DENND4B: variants seen among roughly 807,000 people sequenced by gnomAD.
DENND4B encodes the protein DENN domain-containing protein 4B.
DENND4B carries 67 observed loss-of-function variants against 161.0 expected under a neutral mutation model. That is an observed-to-expected ratio of 0.42 (90% CI 0.34 to 0.51). DENND4B has a LOEUF of 0.51. Among genes scored for constraint, DENND4B ranks in the 20% least tolerant of loss-of-function variants. DENND4B has a pLI of 0.08. For missense variants in DENND4B, 1,481 were observed against 1,968.0 expected (o/e 0.75, Z 4.68); for synonymous variants, 753 against 813.8 (o/e 0.93, Z 1.27).
Position 153,930,292 on chromosome 1 carries a change from G to C in DENND4B, c.*5C>G. The C allele has an allele frequency of 6.2e-7, 1 of 1,612,226 alleles. No individual in the cohort carries two copies. ...CCCTAGGCTGGAGAGGGAAGCTTAA[G>C]GTCTCTAGCATTCTGGAGGTGCTCC... is the stretch of plus-strand genomic sequence containing the variant. On this transcript the variant is annotated 3_prime_UTR_variant, in exon 28 of 28. Coordinates refer to ENST00000361217, the MANE Select transcript of DENND4B (RefSeq NM_014856.3). This position sits in a 1 kb window ranked among gnomAD's most constrained non-coding sequence, Gnocchi z 4.7.
At position 153,940,216 on chromosome 1, in the gene DENND4B, G is replaced by A. The variant is rs764285501; in HGVS notation, c.1543C>T (p.Arg515Cys). The A allele has an allele frequency of 1.1e-5, 17 of 1,603,604 alleles. No individual in the cohort carries two copies. The highest frequency in any genetic ancestry group is 1.7e-5 in the Admixed American group (1 of 57,536). ...KKLLSPRTLP[R>C]RPYKVLLATL... ...GCCAGCAGAACCTTGTAGGGTCTGC[G>A]GGGCAGGGTCCGAGGGGAGAGGAGC... is the stretch of plus-strand genomic sequence containing the variant. The change falls in exon 11 of 28, where the codon CGC becomes TGC. Residue 515 changes from arginine (R) to cysteine (C), a missense_variant. Coordinates refer to ENST00000361217, the MANE Select transcript of DENND4B (RefSeq NM_014856.3). The surrounding 1 kb of genome is among the most constrained non-coding windows in gnomAD (Gnocchi z 5.6).
rs1571061457 is a variant in DENND4B at position 153,944,517 on chromosome 1, T to C, written c.-23-120A>G. 9.4e-7 allele frequency: 1 copy of C among 1,065,710 alleles called. No individual in the cohort carries two copies. Among genetic ancestry groups the C allele is most frequent in the South Asian group, 1.7e-5 (1 of 58,696 alleles). 66.0% of individuals were successfully genotyped at this position (1,065,710 alleles called of 1,614,324 possible). On this transcript the variant is annotated intron_variant, in intron 1 of 27. Transcript: ENST00000361217. The surrounding 1 kb of genome is among the most constrained non-coding windows in gnomAD (Gnocchi z 4.8). ...TTCCAAAGAAAGGCAGGATAAGGGG[T>C]CGGCCAATCCTGAACTCTTCCCCCT... is the stretch of plus-strand genomic sequence containing the variant.
Position 153,934,900 on chromosome 1 carries a change from C to T in DENND4B, c.2633G>A (p.Arg878Gln), listed in dbSNP as rs780282175. 1.5e-5 allele frequency: 25 copies of T among 1,613,494 alleles called. No individual in the cohort carries two copies. Among genetic ancestry groups the T allele is most frequent in the Admixed American group, 3.3e-5 (2 of 59,986 alleles). Residue 878 changes from arginine (R) to glutamine (Q), a missense_variant, in exon 18 of 28, where the codon CGG (arginine) becomes CAG (glutamine). By Grantham distance (43) the Arg-to-Gln change is conservative (BLOSUM62 1). Around this residue, in one of 3 missense-constraint regions of DENND4B, gnomAD observed 339 missense variants for 330.3 expected, o/e 1.03. Coordinates refer to ENST00000361217, the MANE Select transcript of DENND4B (RefSeq NM_014856.3). This position sits in a 1 kb window ranked among gnomAD's most constrained non-coding sequence, Gnocchi z 5.3. ...PGGRLRWAKL[R>Q]NVVLGAAQFR... ...CTGAGCAGCCCCCAGGACAACATTC[C>T]GGAGCTTGGCCCAGCGCAGACGCCC...
intron 1 of DENND4B, chr1:153,945,199 G>A (rs753312475): frequency 3.6e-5 from 46 of 1,287,664 alleles, no homozygotes; most frequent in Non-Finnish European, 4.7e-5. Context: ...CCAGGGTGCA[G>A]AAGCTGGGAA....
In DENND4B at chr1:153,940,763, A is replaced by G; in HGVS notation, c.1326+141T>C. The G allele has an allele frequency of 7.0e-7, 1 of 1,436,882 alleles. No individual in the cohort carries two copies. The highest frequency in any genetic ancestry group is 9.3e-7 in the Non-Finnish European group (1 of 1,078,096). 89.0% of individuals were successfully genotyped at this position (1,436,882 alleles called of 1,614,324 possible). A position where few individuals can be genotyped will look rare whatever the true frequency, so the allele number is the denominator to read the frequency against. On this transcript the variant is annotated intron_variant, in intron 9 of 27. Coordinates refer to ENST00000361217, the MANE Select transcript of DENND4B (RefSeq NM_014856.3). This position sits in a 1 kb window ranked among gnomAD's most constrained non-coding sequence, Gnocchi z 5.6. The stretch of plus-strand genomic sequence containing the variant: ...TAGAGAAGAGCTCCTGATGGAAGCT[A>G]TGTGTTCCTGCAGGCTGTGCCCAGG...
chr1:153,941,882 G>C lies in DENND4B; in HGVS notation c.1042C>G (p.Leu348Val). ...AGCCATGCTCACGCTTCCAAGGGTA[G>C]GCGGTGGGGGCCTGAGACGGAGTAG... ...YRYSVSGPHR[L>V]PLEAHISHFI... Residue 348 changes from leucine (L) to valine (V), a missense_variant, in exon 6 of 28, where the codon CTA becomes GTA. Leu to Val is a conservative substitution (Grantham distance 32, BLOSUM62 1). Around this residue, in one of 3 missense-constraint regions of DENND4B, gnomAD observed 806 missense variants for 1,134.4 expected, o/e 0.71. Coordinates refer to ENST00000361217, the MANE Select transcript of DENND4B (RefSeq NM_014856.3). 2 of 1,611,864 alleles carry C rather than the reference G, an allele frequency of 1.2e-6. No homozygotes were observed. The highest frequency in any genetic ancestry group is 1.7e-6 in the Non-Finnish European group (2 of 1,179,828).
chr1:153,934,694 C>G lies in DENND4B; in HGVS notation c.2773+66G>C, dbSNP rs1181349822. On this transcript the variant is annotated intron_variant, in intron 18 of 27. Coordinates refer to ENST00000361217, the MANE Select transcript of DENND4B (RefSeq NM_014856.3). The surrounding 1 kb of genome is among the most constrained non-coding windows in gnomAD (Gnocchi z 5.3). ...CAACCATTAGACCAGCCCCAACTCTCTATGCCTTTCCCTGCCTGAGCCCAG... is the reference window on the plus strand; with the variant it reads ...CAACCATTAGACCAGCCCCAACTCTGTATGCCTTTCCCTGCCTGAGCCCAG... 1 of 1,549,124 alleles carries G rather than the reference C, an allele frequency of 6.5e-7. No homozygotes were observed. Among genetic ancestry groups the G allele is most frequent in the Non-Finnish European group, 8.7e-7 (1 of 1,149,456 alleles).
chr1:153,938,920 A>G lies in DENND4B; in HGVS notation c.1945T>C (p.Phe649Leu), dbSNP rs1368082682. ...GATACCTTTTCAACACAAGAGTCAA[A>G]GAATTCAAGGGCAGCATGGCGAGCA... ...GSARHAALEF[F>L]DSCVEKVHPE... The change falls in exon 13 of 28, where the codon TTT becomes CTT. Residue 649 changes from phenylalanine (F) to leucine (L), a missense_variant. By Grantham distance (22) the Phe-to-Leu change is conservative. Coordinates refer to ENST00000361217, the MANE Select transcript of DENND4B (RefSeq NM_014856.3). 2 of 1,594,736 alleles carry G rather than the reference A, an allele frequency of 1.3e-6. No homozygotes were observed. The highest frequency in any genetic ancestry group is 2.3e-5 in the East Asian group (1 of 44,342).
rs1679396880 is a variant in DENND4B, at chr1:153,937,246, C to G, written c.2232+242G>C. 1.3e-5 allele frequency among the ~76,000 whole-genome samples: 2 copies of G among 152,224 alleles called. No homozygotes were observed. Among genetic ancestry groups the G allele is most frequent in the African/African-American group, 4.8e-5 (2 of 41,454 alleles). On this transcript the variant is annotated intron_variant, in intron 15 of 27. Coordinates refer to ENST00000361217, the MANE Select transcript of DENND4B (RefSeq NM_014856.3). The surrounding 1 kb of genome is among the most constrained non-coding windows in gnomAD (Gnocchi z 4.7). ...GAGCATGGGCAGGTGCCCTAGAAGACATGGCCAGCCCCTGGATTCCCAGAG... is the reference window on the plus strand; with the variant it reads ...GAGCATGGGCAGGTGCCCTAGAAGAGATGGCCAGCCCCTGGATTCCCAGAG...
Position 153,932,589 on chromosome 1 carries a change from C to A in DENND4B, c.3759+53G>T. The A allele has an allele frequency of 1.9e-6, 3 of 1,586,380 alleles. No homozygotes were observed. The highest frequency in any genetic ancestry group is 1.7e-6 in the Non-Finnish European group (2 of 1,163,912). ...CCATCTCTCCCTGGCACCCCACAGG[C>A]CCCACACAGGGCAACATTCCCGTTC... On this transcript the variant is annotated intron_variant, in intron 23 of 27. Coordinates refer to ENST00000361217, the MANE Select transcript of DENND4B (RefSeq NM_014856.3). This position sits in a 1 kb window ranked among gnomAD's most constrained non-coding sequence, Gnocchi z 5.8.
intron 2 of DENND4B, among the ~76,000 whole-genome samples, chr1:153,943,798 C>T (rs1344958906): frequency 6.6e-6 from 1 of 151,734 alleles, no homozygotes; most frequent in Non-Finnish European, 1.5e-5. Context: ...TTATTTTCCC[C>T]ATTTGACAGA....
rs1557843710 is a variant in DENND4B, at chr1:153,930,789, A to T, written c.4183T>A (p.Ser1395Thr). 1 of 1,608,094 alleles carries T rather than the reference A, an allele frequency of 6.2e-7. No individual in the cohort carries two copies. The highest frequency in any genetic ancestry group is 1.3e-5 in the African/African-American group (1 of 74,796). The change falls in exon 26 of 28, where the codon TCA becomes ACA. Residue 1395 changes from serine to threonine, a missense_variant. This residue lies in a region of DENND4B where 336 missense variants were observed against 503.3 expected (regional missense o/e 0.67). Transcript: ENST00000361217. The surrounding 1 kb of genome is among the most constrained non-coding windows in gnomAD (Gnocchi z 4.7). ...TTGAGTCCAACATGGCGCAGCACTG[A>T]CTCCAACAGTGCCAAACTAAGGGAT... The part of the protein sequence containing the change: ...PASLSLALLE[S>T]VLRHVGLNEV...
intron 13 of DENND4B, among the ~76,000 whole-genome samples, chr1:153,938,563 G>A (rs1362587081): frequency 2.6e-5 from 4 of 151,518 alleles, no homozygotes; most frequent in Admixed American, 1.3e-4. Flanking sequence ...TTAGCCAGGC[G>A]TGGTGGCGGG....
In DENND4B at chr1:153,938,992, GC is replaced by G; in HGVS notation, c.1872del (p.His625ThrfsTer44). On this transcript the variant is annotated frameshift_variant, in exon 13 of 28. Transcript: ENST00000361217. LOFTEE classifies it high-confidence loss of function. ...RSSHKLYSQLLHTQMFSQFIE... is the reference protein window; with the variant it reads ...RSSHKLYSQLXHTQMFSQFIE... ...ATGAACTGTGAGAACATCTGTGTGT[GC>G]AGCAGCTGAGAGTAAAGTTTGTGGC... 1 of 1,612,272 alleles carries G rather than the reference GC, an allele frequency of 6.2e-7. No homozygotes were observed. The highest frequency in any genetic ancestry group is 8.5e-7 in the Non-Finnish European group (1 of 1,179,196).
chr1:153,941,224 C>T lies in DENND4B; in HGVS notation c.1181+7G>A. On this transcript the variant is annotated splice_region_variant and intron_variant, in intron 8 of 27. Transcript: ENST00000361217. ...AAAGCTCCCCTCCCCACAATCTGAT[C>T]ACATACCTGAGGGGCAGGGGTGAGG... 6.2e-7 allele frequency: 1 copy of T among 1,613,732 alleles called. No homozygotes were observed.
rs934637843 is a variant in DENND4B, at chr1:153,946,668, C to G, written c.-391G>C. On this transcript the variant is annotated 5_prime_UTR_variant, in exon 1 of 28. Transcript: ENST00000361217. This position sits in a 1 kb window ranked among gnomAD's most constrained non-coding sequence, Gnocchi z 6.3. ...CCGCTCCGGGCCGCGGGCGCCGCCGCTACCCCCACCCCTCCTCCTCGGCCG... is the reference window on the plus strand; with the variant it reads ...CCGCTCCGGGCCGCGGGCGCCGCCGGTACCCCCACCCCTCCTCCTCGGCCG... 5.3e-6 allele frequency: 2 copies of G among 379,844 alleles called. No homozygotes were observed. The highest frequency in any genetic ancestry group is 9.3e-6 in the Non-Finnish European group (2 of 214,238). The allele number at this position is 379,844 out of a possible 1,614,324, so 23.5% of individuals were successfully genotyped here. A position where few individuals can be genotyped will look rare whatever the true frequency, so the allele number is the denominator to read the frequency against.
Position 153,934,154 on chromosome 1 carries a change from C to T in DENND4B, c.2922G>A (p.Val974=). ...ACTCACTGTGGGCCACACCGGCCTC[C>T]ACAGTGGGCTGTGCCCCTCGGGCAC... The part of the protein sequence containing the change: ...LGSARGAQPT[V]EAGVAHMIEA... Residue 974 remains valine (V), a synonymous_variant, in exon 19 of 28, where the codon GTG becomes GTA. Coordinates refer to ENST00000361217, the MANE Select transcript of DENND4B (RefSeq NM_014856.3). The surrounding 1 kb of genome is among the most constrained non-coding windows in gnomAD (Gnocchi z 5.3). 6.3e-7 allele frequency: 1 copy of T among 1,577,930 alleles called. No homozygotes were observed. The highest frequency in any genetic ancestry group is 8.5e-7 in the Non-Finnish European group (1 of 1,169,792).
At position 153,939,972 on chromosome 1, in the gene DENND4B, C is replaced by T. The variant is rs115050621; in HGVS notation, c.1604-168G>A. 1.1e-3 allele frequency: 881 copies of T among 819,800 alleles called. 9 individuals are homozygous for T. The African/African-American group carries it at 0.014, about 13-fold the overall frequency. 50.8% of individuals were successfully genotyped at this position (819,800 alleles called of 1,614,324 possible). A position where few individuals can be genotyped will look rare whatever the true frequency, so the allele number is the denominator to read the frequency against. On this transcript the variant is annotated intron_variant, in intron 11 of 27. Coordinates refer to ENST00000361217, the MANE Select transcript of DENND4B (RefSeq NM_014856.3). ...TCAAGCTTGATATTTCCCACATGTT[C>T]AGGAATACTGTCTGCCCTTCCTTCT...
In DENND4B at chr1:153,936,878, A is replaced by C; in HGVS notation, c.2233-130T>G. On this transcript the variant is annotated intron_variant, in intron 15 of 27. Transcript: ENST00000361217. This position sits in a 1 kb window ranked among gnomAD's most constrained non-coding sequence, Gnocchi z 4.1. ...GAGTGCAGTGGCGCAATCTTGGCTC[A>C]CTGCAGACTCGGCCTCCTGGGCTCA... The C allele has an allele frequency of 1.1e-6, 1 of 907,614 alleles. No homozygotes were observed. Among genetic ancestry groups the C allele is most frequent in the South Asian group, 2.2e-5 (1 of 46,044 alleles). The allele number at this position is 907,614 out of a possible 1,614,324, so 56.2% of individuals were successfully genotyped here. A position where few individuals can be genotyped will look rare whatever the true frequency, so the allele number is the denominator to read the frequency against.
Sources: gnomAD v4.1 joint callset for allele counts (sites outside exome capture counted in the v4.1 genomes callset) on GRCh38, gnomAD v4.1.1 for gene constraint, gnomAD v4.1.1 regional missense constraint, Gnocchi (gnomAD v3.1) non-coding constraint, MANE v1.5 for transcripts, NCBI Gene and HGNC (gene_info 2026-07-23, HGNC 2026-07-21) for gene names.